Variants in THSD7A observed in about 807,000 individuals in gnomAD.
The protein encoded by THSD7A is thrombospondin type 1 domain containing 7A.
A neutral mutation model predicts 231.3 loss-of-function variants in THSD7A; 96 were observed. The ratio of observed to expected loss-of-function variants is 0.41; its 90% CI spans 0.35 to 0.49. The LOEUF (loss-of-function observed/expected upper bound fraction) is 0.49, where lower values mean the gene tolerates loss of function less well. Among genes scored for constraint, THSD7A ranks in the 20% least tolerant of loss-of-function variants. The probability of loss-of-function intolerance (pLI) is 0.05; values close to 1 mark genes in which losing one functional copy is unlikely to be tolerated. For synonymous variants in THSD7A, 940 were observed against 743.3 expected (o/e 1.26, Z -4.30); for missense variants, 2,290 against 2,070.2 (o/e 1.11, Z -2.06).
intron 23 of THSD7A, among the ~76,000 whole-genome samples, chr7:11,390,560 G>C (rs998318742): frequency 7.2e-5 from 11 of 152,142 alleles, no homozygotes; most frequent in African/African-American, 1.9e-4. Context: ...TGCTCTTTTA[G>C]CTCAGAGGAG....
At chr7:11,558,488 C>G (rs1186390653) in intron 4 of THSD7A, among the ~76,000 whole-genome samples, 2 of 152,142 alleles carry the variant, frequency 1.3e-5, no homozygotes, top group African/African-American at 4.8e-5. Flanking sequence ...TCCCAAGTCA[C>G]AGAACTTTCT....
At chr7:11,647,282 T>C (rs2128366667) in intron 1 of THSD7A, among the ~76,000 whole-genome samples, 1 of 152,136 alleles carries the variant, frequency 6.6e-6, no homozygotes, top group South Asian at 2.1e-4. Flanking sequence ...AGTTTAAGAT[T>C]GTAGGTATGG....
intron 1 of THSD7A, among the ~76,000 whole-genome samples, chr7:11,716,863 A>T (rs1370732016): frequency 6.6e-6 from 1 of 151,608 alleles, no homozygotes; most frequent in Non-Finnish European, 1.5e-5. Flanking sequence ...CGTATGTAAT[A>T]CAAACATAAG....
rs189340942 is a variant in THSD7A at position 11,495,766 on chromosome 7, T to C, written c.1823-13784A>G. On this transcript the variant is annotated intron_variant, in intron 6 of 27. Transcript: ENST00000423059. ...GGCAGAATGAGTTTCATAGATAATG[T>C]GCTGAGACTTTTGAAGTCTTTACCC... Among the ~76,000 whole-genome samples, 10 of 152,260 alleles carry C rather than the reference T, an allele frequency of 6.6e-5. No individual in the cohort carries two copies. In the East Asian group the frequency reaches 1.9e-3, roughly 29 times the overall value.
chr7:11,614,417 G>C (rs373550798), intron 2 of THSD7A, among the ~76,000 whole-genome samples: 1 of 152,294 alleles, frequency 6.6e-6, no homozygotes. Flanking sequence ...TACTTATTTG[G>C]ATGTGGTGAT....
chr7:11,620,325 A>C (rs1781260875), intron 2 of THSD7A, among the ~76,000 whole-genome samples: 1 of 152,172 alleles, frequency 6.6e-6, no homozygotes, highest in African/African-American at 2.4e-5. Flanking sequence ...TTACTGATAC[A>C]CCTGTGGCAT....
At chr7:11,539,541 T>C (rs1367039976) in intron 6 of THSD7A, among the ~76,000 whole-genome samples, 1 of 152,238 alleles carries the variant, frequency 6.6e-6, no homozygotes, top group Non-Finnish European at 1.5e-5. Flanking sequence ...GGTTATAACA[T>C]ACATTGCCAG....
chr7:11,643,600 C>T (rs997806439), intron 1 of THSD7A, among the ~76,000 whole-genome samples: 1 of 97,144 alleles, frequency 1.0e-5, no homozygotes, highest in African/African-American at 6.2e-5. Context: ...CACACGCACG[C>T]GCGCACACAC....
intron 1 of THSD7A, among the ~76,000 whole-genome samples, chr7:11,722,979 A>T (rs1215426335): frequency 6.6e-6 from 1 of 151,992 alleles, no homozygotes; most frequent in Non-Finnish European, 1.5e-5. Context: ...ATTACTGGGT[A>T]TATACCCAAA....
At chr7:11,394,111 C>T (rs2115337438) in intron 23 of THSD7A, among the ~76,000 whole-genome samples, 1 of 152,250 alleles carries the variant, frequency 6.6e-6, no homozygotes, top group Non-Finnish European at 1.5e-5. Context: ...TAAGGGCAGC[C>T]AGATAGAAAG....
At chr7:11,790,759 A>G (rs1245792085) in intron 1 of THSD7A, among the ~76,000 whole-genome samples, 1 of 152,004 alleles carries the variant, frequency 6.6e-6, no homozygotes, top group Non-Finnish European at 1.5e-5. Flanking sequence ...CATAAATATA[A>G]TTACAAGTTT....
chr7:11,705,811 A>G (rs758145663), intron 1 of THSD7A, among the ~76,000 whole-genome samples: 3 of 150,992 alleles, frequency 2.0e-5, no homozygotes, highest in Non-Finnish European at 4.5e-5. Flanking sequence ...TCATGTTTCA[A>G]AAATTCTATT....
intron 4 of THSD7A, among the ~76,000 whole-genome samples, chr7:11,544,939 C>A (rs995141279): frequency 2.0e-5 from 3 of 151,972 alleles, no homozygotes; most frequent in African/African-American, 7.3e-5. Flanking sequence ...TGCATCACAA[C>A]AGCAGCCGAA....
intron 1 of THSD7A, among the ~76,000 whole-genome samples, chr7:11,769,153 ATTTTTT>A (rs1227041855): frequency 3.6e-5 from 1 of 27,660 alleles, no homozygotes; most frequent in Non-Finnish European, 7.0e-5. Context: ...ATATATATAT[ATTTTTT>A]TTTTTTTTTG....
At chr7:11,546,204 T>TCTCACACACACACACACACACA in intron 4 of THSD7A, among the ~76,000 whole-genome samples, 1 of 140,360 alleles carries the variant, frequency 7.1e-6, no homozygotes, top group South Asian at 2.4e-4. Context: ...GGGCGCGCGC[T>TCTCACACACACACACACACACA]CACACACACA....
Position 11,663,871 on chromosome 7 carries a change from G to C in THSD7A, c.191-26910C>G, listed in dbSNP as rs114895850. The stretch of plus-strand genomic sequence containing the variant: ...AAAAACATAACTGGAATGACATTTT[G>C]AAAAGTGCTAATGGTAAATTTTTTG... On this transcript the variant is annotated intron_variant, in intron 1 of 27. Coordinates refer to ENST00000423059, the MANE Select transcript of THSD7A (RefSeq NM_015204.3). 9.0e-3 allele frequency among the ~76,000 whole-genome samples: 1,358 copies of C among 151,678 alleles called. 17 individuals are homozygous for C. Among genetic ancestry groups the C allele is most frequent in the African/African-American group, 0.031 (1,302 of 41,510 alleles).
At position 11,500,855 on chromosome 7, in the gene THSD7A, A is replaced by T. The variant is rs138142330; in HGVS notation, c.1823-18873T>A. Among the ~76,000 whole-genome samples, 6 of 151,956 alleles carry T rather than the reference A, an allele frequency of 3.9e-5. No individual in the cohort carries two copies. In the East Asian group the frequency reaches 1.2e-3, roughly 29 times the overall value. On this transcript the variant is annotated intron_variant, in intron 6 of 27. Transcript: ENST00000423059. The stretch of plus-strand genomic sequence containing the variant: ...GGAGGCTGAGGCAGAGAATTGCTTG[A>T]ATCTGGGAGGCAAAGTTGCACTGAG...
At chr7:11,687,986 T>C (rs958854165) in intron 1 of THSD7A, among the ~76,000 whole-genome samples, 2 of 151,802 alleles carry the variant, frequency 1.3e-5, no homozygotes, top group African/African-American at 2.4e-5. Context: ...TGTATACATG[T>C]GCCATGTTGG....
At chr7:11,385,527 TA>T (rs1196462060) in intron 23 of THSD7A, 2 of 152,140 alleles carry the variant, frequency 1.3e-5, no homozygotes, top group African/African-American at 2.4e-5. Flanking sequence ...TTAATGTGTA[TA>T]AAAAATTATA....
Sources: allele counts gnomAD v4.1 joint callset (sites outside exome capture counted in the v4.1 genomes callset), GRCh38; gene constraint gnomAD v4.1.1; transcripts MANE v1.5; gene names NCBI Gene and HGNC (gene_info 2026-07-23, HGNC 2026-07-21).